Variants in PTPRD observed in about 807,000 individuals in gnomAD.
The protein encoded by PTPRD is protein tyrosine phosphatase receptor type D, also known as receptor-type tyrosine-protein phosphatase delta.
In PTPRD, 34 loss-of-function variants were observed where a neutral mutation model predicts 214.5. The observed-to-expected ratio is 0.16, with a 90% CI of 0.12 to 0.21. The LOEUF (loss-of-function observed/expected upper bound fraction) is 0.21, where lower values mean the gene tolerates loss of function less well. PTPRD is among the 10% of genes least tolerant of loss of function. The probability of loss-of-function intolerance (pLI) is 1.00; values close to 1 mark genes in which losing one functional copy is unlikely to be tolerated. For missense variants in PTPRD, 2,545 were observed against 2,398.7 expected (o/e 1.06, Z -1.27); for synonymous variants, 1,128 against 845.7 (o/e 1.33, Z -5.79).
At chr9:10,143,255 C>G (rs2098999320) in intron 3 of PTPRD, among the ~76,000 whole-genome samples, 1 of 150,582 alleles carries the variant, frequency 6.6e-6, no homozygotes, top group Non-Finnish European at 1.5e-5. Context: ...GCACATGTAT[C>G]CTAAAACTTA....
At chr9:9,207,088 G>T (rs2099945327) in intron 9 of PTPRD, among the ~76,000 whole-genome samples, 2 of 152,126 alleles carry the variant, frequency 1.3e-5, no homozygotes, top group Admixed American at 1.3e-4. Flanking sequence ...AGTAAAAATT[G>T]CTGATGGAGT....
intron 2 of PTPRD, among the ~76,000 whole-genome samples, chr9:10,369,331 T>A (rs904496441): frequency 1.3e-5 from 2 of 152,088 alleles, no homozygotes; most frequent in Admixed American, 6.6e-5. Flanking sequence ...AGATCAAACA[T>A]GAAATGGCAG....
chr9:9,145,751 T>C (rs1043309389), intron 10 of PTPRD, among the ~76,000 whole-genome samples: 47 of 152,232 alleles, frequency 3.1e-4, no homozygotes, highest in African/African-American at 1.1e-3. Context: ...GAACTGGATC[T>C]TGGTCAGAGA....
chr9:9,513,721 T>C (rs376919223), intron 8 of PTPRD, among the ~76,000 whole-genome samples: 265 of 152,034 alleles, frequency 1.7e-3, no homozygotes, highest in Non-Finnish European at 2.9e-3. Context: ...GTTTAGCCAA[T>C]AGATAGCACC....
chr9:8,696,856 T>C (rs1443804329), intron 12 of PTPRD, among the ~76,000 whole-genome samples: 1 of 152,212 alleles, frequency 6.6e-6, no homozygotes, highest in Non-Finnish European at 1.5e-5. Flanking sequence ...CCGTTCCCTT[T>C]CTTAGTATTC....
chr9:9,200,895 T>C (rs1335367036), intron 9 of PTPRD, among the ~76,000 whole-genome samples: 1 of 152,216 alleles, frequency 6.6e-6, no homozygotes, highest in South Asian at 2.1e-4. Flanking sequence ...CTCTCTATTG[T>C]AGAAATCCTT....
At chr9:8,429,142 A>T (rs2094884732) in intron 35 of PTPRD, among the ~76,000 whole-genome samples, 1 of 152,216 alleles carries the variant, frequency 6.6e-6, no homozygotes, top group Admixed American at 6.5e-5. Context: ...AATTTTAAAT[A>T]TCAATATTTT....
chr9:9,354,972 G>C lies in PTPRD; in HGVS notation c.-203+42477C>G, dbSNP rs564733436. ...ACAGTAGTGGAGTGTGGACAAAAAA[G>C]AAAATAAAGGGAAAGGTACCAGATA... On this transcript the variant is annotated intron_variant, in intron 9 of 45. Coordinates refer to ENST00000381196, the MANE Select transcript of PTPRD (RefSeq NM_002839.4). Among the ~76,000 whole-genome samples, 12 of 151,882 alleles carry C rather than the reference G, an allele frequency of 7.9e-5. No homozygotes were observed. The Admixed American group carries it at 7.9e-4, about 10-fold the overall frequency.
chr9:9,818,807 T>C (rs1303485698), intron 5 of PTPRD, among the ~76,000 whole-genome samples: 4 of 150,408 alleles, frequency 2.7e-5, no homozygotes, highest in African/African-American at 7.4e-5. Flanking sequence ...TCCCAGCTAC[T>C]CGGGAGGCTG....
intron 11 of PTPRD, among the ~76,000 whole-genome samples, chr9:8,747,201 C>T (rs987261268): frequency 6.6e-6 from 1 of 151,898 alleles, no homozygotes; most frequent in Non-Finnish European, 1.5e-5. Context: ...ATTTATATTG[C>T]CTTGTTTAAA....
intron 39 of PTPRD, among the ~76,000 whole-genome samples, chr9:8,368,954 A>T (rs937278519): frequency 6.6e-6 from 1 of 152,118 alleles, no homozygotes; most frequent in African/African-American, 2.4e-5. Context: ...ACCCATTCTT[A>T]TCGAGATGTT....
At chr9:9,430,255 A>G (rs897902579) in intron 8 of PTPRD, among the ~76,000 whole-genome samples, 2 of 152,118 alleles carry the variant, frequency 1.3e-5, no homozygotes, top group Admixed American at 6.5e-5. Context: ...CTATACACCA[A>G]TAACAGACAA....
At chr9:9,937,711 ATTC>A in intron 5 of PTPRD, among the ~76,000 whole-genome samples, 1 of 152,224 alleles carries the variant, frequency 6.6e-6, no homozygotes, top group African/African-American at 2.4e-5. Context: ...CTTCTTTACT[ATTC>A]TTTGAAACTG....
intron 9 of PTPRD, among the ~76,000 whole-genome samples, chr9:9,224,028 ATTAGAAGATCATGTTGGTT>A (rs1320454180): frequency 2.6e-5 from 4 of 152,172 alleles, no homozygotes; most frequent in African/African-American, 9.6e-5. Flanking sequence ...CTTTCATCTG[ATTAGAAGATCATGTTGGTT>A]TTGTACAAGG....
At chr9:9,952,600 A>T (rs2093556765) in intron 4 of PTPRD, among the ~76,000 whole-genome samples, 1 of 152,172 alleles carries the variant, frequency 6.6e-6, no homozygotes, top group African/African-American at 2.4e-5. Context: ...GGCTGGTTTT[A>T]CTGAGGAAGA....
intron 7 of PTPRD, among the ~76,000 whole-genome samples, chr9:9,624,358 C>A (rs1225356599): frequency 6.6e-6 from 1 of 152,124 alleles, no homozygotes; most frequent in African/African-American, 2.4e-5. Context: ...TCTCAGCTCA[C>A]TGCAACCTCA....
At chr9:8,546,877 TTCTC>T (rs1273489962) in intron 14 of PTPRD, among the ~76,000 whole-genome samples, 1 of 152,198 alleles carries the variant, frequency 6.6e-6, no homozygotes, top group East Asian at 1.9e-4. Context: ...GTTTCCCTCT[TTCTC>T]ACGTCTAGAG....
intron 8 of PTPRD, among the ~76,000 whole-genome samples, chr9:9,408,000 T>G (rs2074111534): frequency 6.6e-6 from 1 of 151,758 alleles, no homozygotes; most frequent in Non-Finnish European, 1.5e-5. Context: ...AGGGAGGCAA[T>G]CTGCCTGTGG....
intron 9 of PTPRD, among the ~76,000 whole-genome samples, chr9:9,223,385 A>C (rs914176815): frequency 1.3e-5 from 2 of 152,150 alleles, no homozygotes; most frequent in Non-Finnish European, 2.9e-5. Flanking sequence ...GTGCTGTAAG[A>C]AGATGAATTC....
Sources: gnomAD v4.1 joint callset for allele counts (sites outside exome capture counted in the v4.1 genomes callset) on GRCh38, gnomAD v4.1.1 for gene constraint, MANE v1.5 for transcripts, NCBI Gene and HGNC (gene_info 2026-07-23, HGNC 2026-07-21) for gene names.